The following IQCH variants were observed in gnomAD, a reference collection of about 807,000 sequenced individuals.
The protein encoded by IQCH is IQ motif containing H, also known as IQ domain-containing protein H.
A neutral mutation model predicts 117.0 loss-of-function variants in IQCH; 98 were observed. The ratio of observed to expected loss-of-function variants is 0.84; its 90% CI spans 0.71 to 0.99. IQCH has a LOEUF of 0.99. IQCH is among the 50% of genes least tolerant of loss of function. IQCH has a pLI of 0.00. For missense variants in IQCH, 1,102 were observed against 1,243.8 expected (o/e 0.89, Z 1.72); for synonymous variants, 412 against 448.2 (o/e 0.92, Z 1.02).
At chr15:67,305,093 A>G (rs961016474) in intron 4 of IQCH, among the ~76,000 whole-genome samples, 5 of 152,108 alleles carry the variant, frequency 3.3e-5, no homozygotes, top group African/African-American at 1.2e-4. Context: ...TTTAGCTGGG[A>G]AATTATTTAA....
intron 12 of IQCH, among the ~76,000 whole-genome samples, chr15:67,392,605 G>T (rs1033016324): frequency 2.0e-5 from 3 of 151,714 alleles, no homozygotes; most frequent in Admixed American, 6.6e-5. Flanking sequence ...GACAGAACTC[G>T]GTCTCTACAA....
At chr15:67,276,468 T>TA (rs368353285) in intron 3 of IQCH, among the ~76,000 whole-genome samples, 21 of 152,312 alleles carry the variant, frequency 1.4e-4, no homozygotes, top group African/African-American at 5.1e-4. Context: ...ATAGCAAACA[T>TA]ATATAATTTT....
chr15:67,320,845 C>A (rs528975816), intron 4 of IQCH, among the ~76,000 whole-genome samples: 8 of 152,118 alleles, frequency 5.3e-5, no homozygotes, highest in African/African-American at 1.9e-4. Context: ...GTATTGTGGT[C>A]CCATAAAATT....
chr15:67,279,539 A>G, intron 4 of IQCH, 27 bp downstream of exon 4: 3 of 1,365,518 alleles, frequency 2.2e-6, no homozygotes, highest in Non-Finnish European at 2.1e-6. Flanking sequence ...TCATAGAGAC[A>G]GAAAGTAGTT....
intron 4 of IQCH, among the ~76,000 whole-genome samples, chr15:67,313,094 G>A (rs909494287): frequency 5.9e-5 from 9 of 152,212 alleles, no homozygotes; most frequent in African/African-American, 2.2e-4. Context: ...AGGCCATAAA[G>A]TTTGGGCAAT....
chr15:67,417,130 T>C lies in IQCH; in HGVS notation c.2218+79T>C. The C allele has an allele frequency of 8.1e-7, 1 of 1,229,208 alleles. No homozygotes were observed. The allele number at this position is 1,229,208 out of a possible 1,614,324, so 76.1% of individuals were successfully genotyped here. On this transcript the variant is annotated intron_variant, in intron 15 of 20. Transcript: ENST00000335894. The surrounding 1 kb of genome is among the most constrained non-coding windows in gnomAD (Gnocchi z 4.3). ...CTAGTTTTGGGTCAACTGGGGCCAA[T>C]TTAAATACTTTGCATCTCCTGTGTT...
Position 67,458,123 on chromosome 15 carries a change from T to A in IQCH, c.2506-7004T>A, listed in dbSNP as rs1436119385. Among the ~76,000 whole-genome samples the A allele has an allele frequency of 4.6e-5, 7 of 152,172 alleles. No homozygotes were observed. Among genetic ancestry groups the A allele is most frequent in the Non-Finnish European group, 7.4e-5 (5 of 68,018 alleles). On this transcript the variant is annotated intron_variant, in intron 16 of 20. Transcript: ENST00000335894. This position sits in a 1 kb window ranked among gnomAD's most constrained non-coding sequence, Gnocchi z 4.1. ...ATGCACATCCTCCTGATTTTACAGCTGCAAAAGGAGAAAAAGTGCCTGAGA... is the reference window on the plus strand; with the variant it reads ...ATGCACATCCTCCTGATTTTACAGCAGCAAAAGGAGAAAAAGTGCCTGAGA...
At position 67,454,268 on chromosome 15, in the gene IQCH, A is replaced by T. The variant is rs896758907; in HGVS notation, c.2506-10859A>T. On this transcript the variant is annotated intron_variant, in intron 16 of 20. Coordinates refer to ENST00000335894, the MANE Select transcript of IQCH (RefSeq NM_001031715.3). The surrounding 1 kb of genome is among the most constrained non-coding windows in gnomAD (Gnocchi z 5.2). ...CTACTGTCTGGCACTCCCCAGTGAG[A>T]TGAACCCGGTACCTCAGTTGGAAAT... 1.3e-5 allele frequency among the ~76,000 whole-genome samples: 2 copies of T among 152,108 alleles called. No individual in the cohort carries two copies. Among genetic ancestry groups the T allele is most frequent in the Admixed American group, 6.5e-5 (1 of 15,270 alleles).
At chr15:67,288,540 C>G (rs910512670) in intron 4 of IQCH, among the ~76,000 whole-genome samples, 3 of 152,022 alleles carry the variant, frequency 2.0e-5, no homozygotes, top group African/African-American at 7.2e-5. Flanking sequence ...GTCTTGAAAT[C>G]TATTTTGTCT....
chr15:67,421,680 C>A, intron 16 of IQCH, 103 bp downstream of exon 16: 1 of 1,144,804 alleles, frequency 8.7e-7, no homozygotes, highest in Non-Finnish European at 1.3e-6. Flanking sequence ...CTAAAATGCA[C>A]TGATTCTCTG....
intron 16 of IQCH, among the ~76,000 whole-genome samples, chr15:67,438,350 G>T (rs945546431): frequency 3.9e-5 from 6 of 152,194 alleles, no homozygotes; most frequent in African/African-American, 1.4e-4. Context: ...AACAAATGCT[G>T]AGAGAATTCG....
intron 4 of IQCH, among the ~76,000 whole-genome samples, chr15:67,283,934 A>C (rs1023348024): frequency 5.9e-5 from 9 of 152,136 alleles, no homozygotes; most frequent in Non-Finnish European, 1.3e-4. Context: ...GTGGGTGTAC[A>C]TATGTATGGG....
intron 3 of IQCH, among the ~76,000 whole-genome samples, chr15:67,269,088 A>G (rs1274287855): frequency 6.6e-6 from 1 of 152,172 alleles, no homozygotes; most frequent in Non-Finnish European, 1.5e-5. Flanking sequence ...CAGAGATGGA[A>G]ATGCAAGTAA....
rs915235037 is a variant in IQCH, at chr15:67,263,291, T to C, written c.269+75T>C. The C allele has an allele frequency of 2.5e-5, 19 of 749,198 alleles. No individual in the cohort carries two copies. The African/African-American group carries it at 3.0e-4, about 12-fold the overall frequency. The allele number at this position is 749,198 out of a possible 1,614,324, so 46.4% of individuals were successfully genotyped here. Reference sequence around the variant, plus strand: ...ACTTTTCTCACTCAAGTGAGATGACTATAAAATATAGGCAACATTTTCTTG... The same window carrying C: ...ACTTTTCTCACTCAAGTGAGATGACCATAAAATATAGGCAACATTTTCTTG... On this transcript the variant is annotated intron_variant, in intron 3 of 20. Transcript: ENST00000335894.
chr15:67,272,033 T>C (rs566612394), intron 3 of IQCH, among the ~76,000 whole-genome samples: 1 of 152,284 alleles, frequency 6.6e-6, no homozygotes, highest in East Asian at 1.9e-4. Flanking sequence ...GTTTTTATAC[T>C]TTTTGATATA....
chr15:67,339,704 T>G (rs939508055), intron 5 of IQCH, among the ~76,000 whole-genome samples: 3 of 152,170 alleles, frequency 2.0e-5, no homozygotes, highest in African/African-American at 7.2e-5. Context: ...TCTTCTCCCC[T>G]TTTGACGAAA....
intron 10 of IQCH, 180 bp downstream of exon 10, chr15:67,373,613 G>A (rs966297721): frequency 3.3e-5 from 22 of 673,206 alleles, no homozygotes; most frequent in South Asian, 4.9e-5. Flanking sequence ...TTAATTTGGG[G>A]ATTAAGCAAA....
In IQCH at chr15:67,370,639, A is replaced by G. The variant is rs1299581363; in HGVS notation, c.754-1472A>G. 6.6e-6 allele frequency among the ~76,000 whole-genome samples: 1 copy of G among 152,206 alleles called. No individual in the cohort carries two copies. Among genetic ancestry groups the G allele is most frequent in the Non-Finnish European group, 1.5e-5 (1 of 68,036 alleles). ...AGAAGGAATTTATTTTCATCTACCA[A>G]GTAGCTTGCATTCTCTTCTGGCACC... is the stretch of plus-strand genomic sequence containing the variant. On this transcript the variant is annotated intron_variant, in intron 8 of 20. Transcript: ENST00000335894. The surrounding 1 kb of genome is among the most constrained non-coding windows in gnomAD (Gnocchi z 5.6).
Position 67,454,381 on chromosome 15 carries a change from T to A in IQCH, c.2506-10746T>A, listed in dbSNP as rs956642395. Among the ~76,000 whole-genome samples, 3 of 152,210 alleles carry A rather than the reference T, an allele frequency of 2.0e-5. No homozygotes were observed. The highest frequency in any genetic ancestry group is 2.0e-4 in the Admixed American group (3 of 15,286). On this transcript the variant is annotated intron_variant, in intron 16 of 20. Transcript: ENST00000335894. The surrounding 1 kb of genome is among the most constrained non-coding windows in gnomAD (Gnocchi z 5.2). ...TCGGCCATCTTGGCTCTGGTCTTGATCTCTTGACCTTGTGATCCGCCCGCC... is the reference window on the plus strand; with the variant it reads ...TCGGCCATCTTGGCTCTGGTCTTGAACTCTTGACCTTGTGATCCGCCCGCC...
Sources: gnomAD v4.1 joint callset for allele counts (sites outside exome capture counted in the v4.1 genomes callset) on GRCh38, gnomAD v4.1.1 for gene constraint, Gnocchi (gnomAD v3.1) non-coding constraint, MANE v1.5 for transcripts, NCBI Gene and HGNC (gene_info 2026-07-23, HGNC 2026-07-21) for gene names.